The following TUNAR variants were observed in gnomAD, a reference collection of about 807,000 sequenced individuals.
The protein encoded by TUNAR is transmembrane neural differentiation associated intracellular calcium regulator, also known as protein TUNAR.
At chr14:95,908,195 G>C (rs908730686) in intron 2 of TUNAR, among the ~76,000 whole-genome samples, 3 of 152,218 alleles carry the variant, frequency 2.0e-5, no homozygotes, top group Non-Finnish European at 2.9e-5. Context: ...GATCAGAGCA[G>C]ATGCCAACAG....
At chr14:95,889,959 CAA>C (rs535897006) in intron 2 of TUNAR, among the ~76,000 whole-genome samples, 64 of 92,184 alleles carry the variant, frequency 6.9e-4, no homozygotes, top group African/African-American at 1.1e-3. Context: ...GACACAAAGA[CAA>C]AAAAAAAAAA....
intron 2 of TUNAR, among the ~76,000 whole-genome samples, chr14:95,908,240 C>T (rs1276182154): frequency 2.0e-5 from 3 of 152,214 alleles, no homozygotes; most frequent in Non-Finnish European, 4.4e-5. Context: ...GAGGCACTTC[C>T]GAAGCTATGA....
At chr14:95,902,949 T>G (rs571602841) in intron 2 of TUNAR, among the ~76,000 whole-genome samples, 2 of 152,316 alleles carry the variant, frequency 1.3e-5, no homozygotes, top group South Asian at 4.2e-4. Flanking sequence ...AAATATCTGG[T>G]ATTTGCAACT....
chr14:95,881,438 C>T (rs1888976035), intron 2 of TUNAR, among the ~76,000 whole-genome samples: 1 of 152,168 alleles, frequency 6.6e-6, no homozygotes, highest in African/African-American at 2.4e-5. Flanking sequence ...CTAGGCTGCT[C>T]CTCCTGAAAA....
chr14:95,881,040 G>T (rs1888970657), intron 2 of TUNAR, among the ~76,000 whole-genome samples: 2 of 152,144 alleles, frequency 1.3e-5, no homozygotes, highest in African/African-American at 4.8e-5. Flanking sequence ...AACCCGTGCT[G>T]GACCTCATTT....
At chr14:95,891,199 G>C (rs1889174797) in intron 2 of TUNAR, among the ~76,000 whole-genome samples, 1 of 152,214 alleles carries the variant, frequency 6.6e-6, no homozygotes, top group Non-Finnish European at 1.5e-5. Flanking sequence ...ATTTCTGAAA[G>C]TGCATCCCCA....
At chr14:95,886,927 C>G (rs1163060038) in intron 2 of TUNAR, among the ~76,000 whole-genome samples, 1 of 152,184 alleles carries the variant, frequency 6.6e-6, no homozygotes, top group Non-Finnish European at 1.5e-5. Flanking sequence ...AGCCAGGGGG[C>G]TGGGCATGAC....
At chr14:95,902,630 A>G (rs879610378) in intron 2 of TUNAR, among the ~76,000 whole-genome samples, 12 of 152,168 alleles carry the variant, frequency 7.9e-5, no homozygotes, top group Non-Finnish European at 1.8e-4. Flanking sequence ...CCCCAGGGGC[A>G]TTTGGAAATG....
intron 2 of TUNAR, among the ~76,000 whole-genome samples, 199 bp from the exon 2 acceptor site, chr14:95,922,582 C>T (rs1889715531): frequency 6.6e-6 from 1 of 152,190 alleles, no homozygotes; most frequent in Non-Finnish European, 1.5e-5. Context: ...GGACACTCAT[C>T]TTCTAAACCA....
intron 2 of TUNAR, among the ~76,000 whole-genome samples, chr14:95,913,881 A>C (rs1190289583): frequency 6.6e-6 from 1 of 152,118 alleles, no homozygotes; most frequent in South Asian, 2.1e-4. Flanking sequence ...TACAGGTGCC[A>C]GCCACCACAC....
intron 2 of TUNAR, among the ~76,000 whole-genome samples, chr14:95,918,836 C>G (rs954914326): frequency 1.1e-4 from 16 of 152,166 alleles, no homozygotes; most frequent in African/African-American, 3.6e-4. Flanking sequence ...CTAATTGTAT[C>G]TTCTTATACC....
rs572076475 is a variant in TUNAR, at chr14:95,913,301, A to T, written c.13-9480A>T. On this transcript the variant is annotated intron_variant, in intron 2 of 2. Coordinates refer to ENST00000678517, the Ensembl canonical transcript of TUNAR. ...CCGCATGCATTGGGTATTTGTCTTA[A>T]TGCTCTCCCTCCCCTTGTCCCCCAC... Among the ~76,000 whole-genome samples, 6 of 151,826 alleles carry T rather than the reference A, an allele frequency of 4.0e-5. No homozygotes were observed. In the South Asian group the frequency reaches 6.2e-4, roughly 16 times the overall value.
intron 2 of TUNAR, among the ~76,000 whole-genome samples, chr14:95,891,685 G>A (rs147005621): frequency 6.6e-6 from 1 of 152,326 alleles, no homozygotes; most frequent in African/African-American, 2.4e-5. Flanking sequence ...TGTCTGTTAC[G>A]TGTCCTAGCT....
At chr14:95,903,157 C>G (rs1436041122) in intron 2 of TUNAR, among the ~76,000 whole-genome samples, 1 of 152,206 alleles carries the variant, frequency 6.6e-6, no homozygotes, top group Admixed American at 6.5e-5. Context: ...AATCCCAGCT[C>G]TCTCACACCC....
chr14:95,918,610 A>G (rs778107682), intron 2 of TUNAR, among the ~76,000 whole-genome samples: 8 of 152,198 alleles, frequency 5.3e-5, no homozygotes, highest in Non-Finnish European at 1.2e-4. Context: ...TGTGAGTCGG[A>G]GAAGGTCTCT....
Position 95,894,837 on chromosome 14 carries a change from G to A in TUNAR, c.12+17660G>A, listed in dbSNP as rs569558720. Among the ~76,000 whole-genome samples, 4 of 148,620 alleles carry A rather than the reference G, an allele frequency of 2.7e-5. No homozygotes were observed. In the South Asian group the frequency reaches 8.6e-4, roughly 32 times the overall value. On this transcript the variant is annotated intron_variant, in intron 2 of 2. Transcript: ENST00000678517. ...GATGACGCACAGGGAAGGTGTAGAT[G>A]CGGTTGCAGTGAAGGAGAGAGTGAG...
intron 2 of TUNAR, among the ~76,000 whole-genome samples, chr14:95,915,501 T>G (rs1275922531): frequency 6.6e-6 from 1 of 152,104 alleles, no homozygotes; most frequent in East Asian, 1.9e-4. Flanking sequence ...TCCAGACCCA[T>G]CCCCATGGCA....
chr14:95,911,392 A>G (rs1172773465), intron 2 of TUNAR, among the ~76,000 whole-genome samples: 1 of 152,116 alleles, frequency 6.6e-6, no homozygotes, highest in African/African-American at 2.4e-5. Flanking sequence ...TCATCACCAT[A>G]GTGATCAATT....
chr14:95,888,451 G>C (rs2139655077), intron 2 of TUNAR, among the ~76,000 whole-genome samples: 1 of 152,314 alleles, frequency 6.6e-6, no homozygotes, highest in African/African-American at 2.4e-5. Flanking sequence ...TGGCCTTGCT[G>C]CGGGCCTCAT....
Sources: gnomAD v4.1 joint callset for allele counts (sites outside exome capture counted in the v4.1 genomes callset) on GRCh38, gnomAD v4.1.1 for gene constraint, MANE v1.5 for transcripts, NCBI Gene and HGNC (gene_info 2026-07-23, HGNC 2026-07-21) for gene names.